The following ABCA2 variants were observed in gnomAD, a reference collection of about 807,000 sequenced individuals.
ABCA2 encodes ATP binding cassette subfamily A member 2, also known as ATP-binding cassette sub-family A member 2.
ABCA2 carries 84 observed loss-of-function variants against 262.8 expected under a neutral mutation model. The observed-to-expected ratio is 0.32, with a 90% CI of 0.27 to 0.38. The LOEUF is 0.38. Ranked by LOEUF, ABCA2 falls within the 10% of genes least tolerant of loss-of-function variation. ABCA2 has a pLI of 1.00. For missense variants in ABCA2, 2,662 were observed against 3,405.9 expected (o/e 0.78, Z 5.44); for synonymous variants, 1,696 against 1,502.9 (o/e 1.13, Z -2.97).
chr9:137,010,342 G>C lies in ABCA2; in HGVS notation c.6204C>G (p.Ile2068Met), dbSNP rs1192876019. ...CCAGGCACAGGCGGTCAACGGCCAG[G>C]ATACGGCCAATCTTCCGGGACTTGT... ...KVYKSRKIGR[I>M]LAVDRLCLGV... The change falls in exon 41 of 49, where the codon ATC (isoleucine) becomes ATG (methionine). Residue 2068 changes from isoleucine (I) to methionine (M), a missense_variant. By Grantham distance (10) the Ile-to-Met change is conservative (BLOSUM62 1). This residue lies in a region of ABCA2 where 602 missense variants were observed against 897.4 expected (regional missense o/e 0.67). Transcript: ENST00000341511. The C allele has an allele frequency of 6.3e-7, 1 of 1,581,426 alleles. No homozygotes were observed. Among genetic ancestry groups the C allele is most frequent in the Admixed American group, 1.8e-5 (1 of 55,596 alleles).
chr9:137,009,028 C>T lies in ABCA2; in HGVS notation c.6853G>A (p.Val2285Met), dbSNP rs1400480563. ...NRFGDGYMIT[V>M]RTKSSQSVKD... The stretch of plus-strand genomic sequence containing the variant: ...ACACTCTGGCTGCTCTTGGTCCGCA[C>T]CGTGATCATGTAGCCATCTCCAAAC... The change falls in exon 46 of 49, where the codon GTG (valine) becomes ATG (methionine). Residue 2285 changes from valine to methionine, a missense_variant. Around this residue, in one of 12 missense-constraint regions of ABCA2, gnomAD observed 212 missense variants for 214.4 expected, o/e 0.99. Coordinates refer to ENST00000341511, the MANE Select transcript of ABCA2 (RefSeq NM_001606.5). The T allele has an allele frequency of 6.2e-7, 1 of 1,608,620 alleles. No homozygotes were observed. The highest frequency in any genetic ancestry group is 8.5e-7 in the Non-Finnish European group (1 of 1,179,790).
intron 28 of ABCA2, 29 bp from the exon 29 acceptor site, chr9:137,013,592 A>G: frequency 6.3e-7 from 1 of 1,583,190 alleles, no homozygotes; most frequent in South Asian, 1.1e-5. Context: ...AGGCCTGAGC[A>G]GGTTCTGCCC....
At chr9:137,024,272 C>T (rs774903247) in intron 1 of ABCA2, 36 bp from the exon 2 acceptor site, 2 of 1,539,510 alleles carry the variant, frequency 1.3e-6, no homozygotes, top group South Asian at 1.2e-5. Context: ...ATAGGACAGA[C>T]CTGTGCTCGC....
At chr9:137,010,834 G>T (rs1210528366) in intron 39 of ABCA2, 97 bp from the exon 40 acceptor site, 1 of 1,454,980 alleles carries the variant, frequency 6.9e-7, no homozygotes. Flanking sequence ...ATGTAAGAAG[G>T]GTGGGCAGGC....
At position 137,018,050 on chromosome 9, in the gene ABCA2, G is replaced by A; in HGVS notation, c.2019C>T (p.Asp673=). Residue 673 remains aspartate, a synonymous_variant, in exon 15 of 49, where the codon GAC becomes GAT. Coordinates refer to ENST00000341511, the MANE Select transcript of ABCA2 (RefSeq NM_001606.5). The stretch of plus-strand genomic sequence containing the variant: ...CCACCACATCGTGCCCCACAAAAGT[G>A]TCGATGATGGCGCGCTCCATCATGT... The part of the protein sequence containing the change: ...IQDMMERAII[D]TFVGHDVVEP... 1 of 1,612,666 alleles carries A rather than the reference G, an allele frequency of 6.2e-7. No individual in the cohort carries two copies. Among genetic ancestry groups the A allele is most frequent in the Non-Finnish European group, 8.5e-7 (1 of 1,179,954 alleles).
intron 28 of ABCA2, 71 bp downstream of exon 28, chr9:137,013,761 G>T: frequency 1.3e-6 from 2 of 1,502,128 alleles, no homozygotes; most frequent in Non-Finnish European, 9.0e-7. Context: ...CTCAGGAGTG[G>T]GCATCATCAG....
chr9:137,026,097 G>C (rs891777437), intron 1 of ABCA2, among the ~76,000 whole-genome samples: 26 of 152,256 alleles, frequency 1.7e-4, no homozygotes, highest in Non-Finnish European at 8.8e-5. Flanking sequence ...TGCCATCCCA[G>C]TGACTTCATG....
rs556892101 is a variant in ABCA2 at position 137,010,545 on chromosome 9, C to T, written c.6174+75G>A. ...AGGGCCCTGCCCACCCAGGCTCCAC[C>T]TCCACTGCTGGGGCCCCACCCCCCT... is the stretch of plus-strand genomic sequence containing the variant. On this transcript the variant is annotated intron_variant, in intron 40 of 48. Coordinates refer to ENST00000341511, the MANE Select transcript of ABCA2 (RefSeq NM_001606.5). 70 of 1,550,642 alleles carry T rather than the reference C, an allele frequency of 4.5e-5. No homozygotes were observed. In the East Asian group the frequency reaches 1.3e-3, roughly 28 times the overall value.
rs903220743 is a variant in ABCA2, at chr9:137,014,490, G to C, written c.4004-86C>G. On this transcript the variant is annotated intron_variant, in intron 26 of 48. Transcript: ENST00000341511. ...ACCCCCATCCCCGGTCTTGACCCCA[G>C]TTCCCAGGCTCATACACCTGTCCGG... The C allele has an allele frequency of 3.4e-6, 5 of 1,476,104 alleles. No homozygotes were observed. The African/African-American group carries it at 5.6e-5, about 16-fold the overall frequency. 91.4% of individuals were successfully genotyped at this position (1,476,104 alleles called of 1,614,324 possible).
Position 137,018,432 on chromosome 9 carries a change from C to T in ABCA2, c.1820-81G>A, listed in dbSNP as rs1033825012. ...TGGGGGGGAAAGCAAGGCACGGGGG[C>T]GGGGCCAAGGTGTGGGGGCGGGGAC... On this transcript the variant is annotated intron_variant, in intron 13 of 48. Transcript: ENST00000341511. The T allele has an allele frequency of 2.3e-4, 10 of 44,422 alleles. No homozygotes were observed. In the Admixed American group the frequency reaches 4.3e-3, roughly 19 times the overall value. 2.8% of individuals were successfully genotyped at this position (44,422 alleles called of 1,614,324 possible).
At chr9:137,025,232 C>G (rs2131473386) in intron 1 of ABCA2, among the ~76,000 whole-genome samples, 1 of 152,354 alleles carries the variant, frequency 6.6e-6, no homozygotes. Flanking sequence ...GTGCTTTGCT[C>G]ACTTCACCTG....
intron 10 of ABCA2, 40 bp downstream of exon 10, chr9:137,020,296 A>C (rs773678446): frequency 1.2e-6 from 2 of 1,607,302 alleles, no homozygotes; most frequent in Non-Finnish European, 1.7e-6. Flanking sequence ...ACCCCCTCCC[A>C]CTCTGCCTGT....
chr9:137,022,337 T>C lies in ABCA2; in HGVS notation c.567+14A>G, dbSNP rs755263184. ...GAAGGGAGTGGCCAGGGCTGGGAGC[T>C]GTCCCTGCCTTACCTCGGGCGGGTC... On this transcript the variant is annotated intron_variant, in intron 6 of 48. Coordinates refer to ENST00000341511, the MANE Select transcript of ABCA2 (RefSeq NM_001606.5). 7.6e-6 allele frequency: 12 copies of C among 1,588,866 alleles called. No homozygotes were observed. Among genetic ancestry groups the C allele is most frequent in the East Asian group, 2.3e-5 (1 of 44,304 alleles).
chr9:137,024,274 T>C (rs1349262206), intron 1 of ABCA2, 38 bp from the exon 2 acceptor site: 2 of 1,535,504 alleles, frequency 1.3e-6, no homozygotes, highest in Admixed American at 1.9e-5. Flanking sequence ...AGGACAGACC[T>C]GTGCTCGCCT....
intron 1 of ABCA2, among the ~76,000 whole-genome samples, chr9:137,027,023 C>G (rs560741508): frequency 1.1e-4 from 16 of 152,374 alleles, no homozygotes; most frequent in Admixed American, 9.8e-4. Flanking sequence ...CCTGGGTTTC[C>G]TGCAGTGCAT....
intron 19 of ABCA2, 48 bp from the exon 20 acceptor site, chr9:137,016,786 CCATCCACCA>C (rs757792131): frequency 1.3e-6 from 2 of 1,539,560 alleles, no homozygotes; most frequent in Non-Finnish European, 8.7e-7. Flanking sequence ...CCTGGGGTGA[CCATCCACCA>C]CGTGGGCCAC....
intron 28 of ABCA2, 75 bp from the exon 29 acceptor site, chr9:137,013,638 C>A (rs1032119716): frequency 1.4e-6 from 2 of 1,469,240 alleles, no homozygotes; most frequent in African/African-American, 1.4e-5. Flanking sequence ...GTCCCCTTCC[C>A]CCAACCCCAA....
At chr9:137,028,894 G>A, upstream of ABCA2, 2 of 1,306,104 alleles carry the variant, frequency 1.5e-6, no homozygotes, top group East Asian at 6.1e-5. This position sits in a 1 kb window ranked among gnomAD's most constrained non-coding sequence, Gnocchi z 6.9. Flanking sequence ...TCTGGTCTCT[G>A]CACAGGGAGT....
In ABCA2 at chr9:137,019,928, G is replaced by A. The variant is rs933960168; in HGVS notation, c.1425+408C>T. ...CCCCTCTACACCCAGGATTGGCCTC[G>A]TCCACAGGCCCTCCCCTCCCAGGCC... On this transcript the variant is annotated intron_variant, in intron 10 of 48. Coordinates refer to ENST00000341511, the MANE Select transcript of ABCA2 (RefSeq NM_001606.5). This position sits in a 1 kb window ranked among gnomAD's most constrained non-coding sequence, Gnocchi z 4.4. 8 of 221,030 alleles carry A rather than the reference G, an allele frequency of 3.6e-5. No homozygotes were observed. Among genetic ancestry groups the A allele is most frequent in the South Asian group, 1.2e-4 (2 of 16,900 alleles). 13.7% of individuals were successfully genotyped at this position (221,030 alleles called of 1,614,324 possible). A position where few individuals can be genotyped will look rare whatever the true frequency, so the allele number is the denominator to read the frequency against.
Sources: gnomAD v4.1 joint callset for allele counts (sites outside exome capture counted in the v4.1 genomes callset) on GRCh38, gnomAD v4.1.1 for gene constraint, gnomAD v4.1.1 regional missense constraint, Gnocchi (gnomAD v3.1) non-coding constraint, MANE v1.5 for transcripts, NCBI Gene and HGNC (gene_info 2026-07-23, HGNC 2026-07-21) for gene names.